The following PIEZO2 variants were observed in gnomAD, a reference collection of about 807,000 sequenced individuals.
PIEZO2 encodes piezo type mechanosensitive ion channel component 2, also known as piezo-type mechanosensitive ion channel component 2.
PIEZO2 carries 172 observed loss-of-function variants against 337.3 expected under a neutral mutation model. The ratio of observed to expected loss-of-function variants is 0.51; its 90% CI spans 0.45 to 0.58. The LOEUF (loss-of-function observed/expected upper bound fraction) is 0.58. PIEZO2 is among the 20% of genes least tolerant of loss of function. The pLI, the probability that PIEZO2 is intolerant of heterozygous loss-of-function variation, is 0.00. For synonymous variants in PIEZO2, 1,251 were observed against 1,228.5 expected (o/e 1.02, Z -0.38); for missense variants, 3,028 against 3,391.3 (o/e 0.89, Z 2.66).
chr18:10,710,469 C>T (rs1056788389), intron 39 of PIEZO2, among the ~76,000 whole-genome samples: 3 of 152,190 alleles, frequency 2.0e-5, no homozygotes, highest in Admixed American at 1.3e-4. Flanking sequence ...CTGGGAATGC[C>T]CCTCAGAATG....
chr18:10,678,005 G>A (rs953951322), intron 52 of PIEZO2, 130 bp from the exon 53 acceptor site: 1 of 856,970 alleles, frequency 1.2e-6, no homozygotes, highest in African/African-American at 1.7e-5. Context: ...GGTCAATCCT[G>A]ACCCTTTCAG....
In PIEZO2 at chr18:10,854,399, C is replaced by G. The variant is rs2041643241; in HGVS notation, c.917+954G>C. Among the ~76,000 whole-genome samples, 1 of 152,142 alleles carries G rather than the reference C, an allele frequency of 6.6e-6. No homozygotes were observed. The highest frequency in any genetic ancestry group is 2.4e-5 in the African/African-American group (1 of 41,426). On this transcript the variant is annotated intron_variant, in intron 7 of 55. Transcript: ENST00000674853. This position sits in a 1 kb window ranked among gnomAD's most constrained non-coding sequence, Gnocchi z 4.6. ...TTCTACTTTGTCATTGTGCAACCAC[C>G]ACGACCTTTATAGTAATTATTTCAG... is the stretch of plus-strand genomic sequence containing the variant.
chr18:11,003,897 G>A lies in PIEZO2; in HGVS notation c.161-24237C>T, dbSNP rs969558022. ...ATTCAACTACATTTTTCAGGGACCT[G>A]CTAAATAGGACTAATGGAAGAGAGT... is the stretch of plus-strand genomic sequence containing the variant. On this transcript the variant is annotated intron_variant, in intron 2 of 55. Transcript: ENST00000674853. The surrounding 1 kb of genome is among the most constrained non-coding windows in gnomAD (Gnocchi z 4.6). Among the ~76,000 whole-genome samples the A allele has an allele frequency of 6.6e-6, 1 of 152,188 alleles. No individual in the cohort carries two copies. Among genetic ancestry groups the A allele is most frequent in the Non-Finnish European group, 1.5e-5 (1 of 68,038 alleles).
In PIEZO2 at chr18:11,047,763, G is replaced by C. The variant is rs1277275887; in HGVS notation, c.160+18364C>G. ...GAGTATGGCTTTGACAGGTGTCCCT[G>C]CATCTTAAAAGAGCAGTTTTCATTC... On this transcript the variant is annotated intron_variant, in intron 2 of 55. Transcript: ENST00000674853. This position sits in a 1 kb window ranked among gnomAD's most constrained non-coding sequence, Gnocchi z 7.2. Among the ~76,000 whole-genome samples, 2 of 152,106 alleles carry C rather than the reference G, an allele frequency of 1.3e-5. No homozygotes were observed. The highest frequency in any genetic ancestry group is 2.9e-5 in the Non-Finnish European group (2 of 68,026).
rs1476178869 is a variant in PIEZO2, at chr18:10,846,355, C to T, written c.917+8998G>A. Among the ~76,000 whole-genome samples, 3 of 152,124 alleles carry T rather than the reference C, an allele frequency of 2.0e-5. No homozygotes were observed. The highest frequency in any genetic ancestry group is 4.4e-5 in the Non-Finnish European group (3 of 68,028). On this transcript the variant is annotated intron_variant, in intron 7 of 55. Transcript: ENST00000674853. This position sits in a 1 kb window ranked among gnomAD's most constrained non-coding sequence, Gnocchi z 4.1. ...CCAGAACAACACAGGAAAGACCTGC[C>T]CCCATAATTCAATCACCTCCCACCG... is the stretch of plus-strand genomic sequence containing the variant.
chr18:10,849,919 T>A (rs527821001), intron 7 of PIEZO2, among the ~76,000 whole-genome samples: 1 of 152,242 alleles, frequency 6.6e-6, no homozygotes, highest in Non-Finnish European at 1.5e-5. Flanking sequence ...GATTTAGTTA[T>A]GTGGATACAC....
chr18:10,809,543 C>T (rs2040118966), intron 7 of PIEZO2, among the ~76,000 whole-genome samples: 1 of 150,634 alleles, frequency 6.6e-6, no homozygotes, highest in Admixed American at 6.6e-5. Context: ...GCTGGGATTA[C>T]AGATGTGAGC....
intron 2 of PIEZO2, among the ~76,000 whole-genome samples, chr18:11,037,406 A>T (rs1383697928): frequency 6.6e-6 from 1 of 152,224 alleles, no homozygotes; most frequent in Non-Finnish European, 1.5e-5. Flanking sequence ...AACAAGCTAA[A>T]CTAAAAAATA....
Position 11,143,255 on chromosome 18 carries a change from G to C in PIEZO2, c.64+5270C>G, listed in dbSNP as rs1443319283. Among the ~76,000 whole-genome samples, 1 of 151,994 alleles carries C rather than the reference G, an allele frequency of 6.6e-6. No homozygotes were observed. The highest frequency in any genetic ancestry group is 1.5e-5 in the Non-Finnish European group (1 of 68,022). The stretch of plus-strand genomic sequence containing the variant: ...GGTATCATATTGTTCTTCATCAATT[G>C]TTCTTCAATATCCAGATGGCTTATG... On this transcript the variant is annotated intron_variant, in intron 1 of 55. Coordinates refer to ENST00000674853, the MANE Select transcript of PIEZO2 (RefSeq NM_001378183.1). The surrounding 1 kb of genome is among the most constrained non-coding windows in gnomAD (Gnocchi z 4.9).
At chr18:11,108,707 C>T (rs966443574) in intron 1 of PIEZO2, among the ~76,000 whole-genome samples, 1 of 151,334 alleles carries the variant, frequency 6.6e-6, no homozygotes, top group African/African-American at 2.4e-5. Context: ...ATTTTATTCC[C>T]ACACCCACTG....
intron 3 of PIEZO2, among the ~76,000 whole-genome samples, chr18:10,922,706 A>G (rs1316118960): frequency 6.6e-6 from 1 of 152,108 alleles, no homozygotes; most frequent in African/African-American, 2.4e-5. Flanking sequence ...ATGGGCAGGC[A>G]GGCAGGGAGT....
At chr18:11,041,130 G>A (rs569513822) in intron 2 of PIEZO2, among the ~76,000 whole-genome samples, 1 of 152,272 alleles carries the variant, frequency 6.6e-6, no homozygotes, top group East Asian at 1.9e-4. Flanking sequence ...TCTAAAACCC[G>A]AACTATGAAA....
chr18:11,084,963 T>G (rs1038540164), intron 1 of PIEZO2, among the ~76,000 whole-genome samples: 3 of 152,248 alleles, frequency 2.0e-5, no homozygotes, highest in Non-Finnish European at 2.9e-5. Context: ...TTGGTTCATC[T>G]GCTTCACCTC....
intron 2 of PIEZO2, among the ~76,000 whole-genome samples, chr18:10,998,620 C>T (rs969388231): frequency 6.6e-6 from 1 of 151,782 alleles, no homozygotes; most frequent in African/African-American, 2.4e-5. Flanking sequence ...AAATTATTTC[C>T]AAAAGTAACC....
chr18:11,007,785 C>T (rs190665254), intron 2 of PIEZO2, among the ~76,000 whole-genome samples: 5 of 152,170 alleles, frequency 3.3e-5, no homozygotes, highest in African/African-American at 1.2e-4. Context: ...CAAAACTATC[C>T]TTTGAAAATG....
chr18:10,697,976 G>A, intron 44 of PIEZO2, 96 bp from the exon 45 acceptor site: 2 of 847,428 alleles, frequency 2.4e-6, no homozygotes, highest in South Asian at 1.7e-5. Flanking sequence ...CATGGTGGAG[G>A]GATAGCTCAG....
At chr18:10,803,661 C>T (rs532000773) in intron 9 of PIEZO2, among the ~76,000 whole-genome samples, 1 of 152,188 alleles carries the variant, frequency 6.6e-6, no homozygotes, top group Admixed American at 6.5e-5. Flanking sequence ...GTAGAAAGCA[C>T]GGAAATATAA....
intron 4 of PIEZO2, among the ~76,000 whole-genome samples, chr18:10,891,679 G>A (rs2144937089): frequency 6.6e-6 from 1 of 152,268 alleles, no homozygotes; most frequent in Admixed American, 6.5e-5. Flanking sequence ...TTGCAATTTT[G>A]AGACTGCAGG....
At chr18:10,749,011 A>G (rs2037537966) in intron 29 of PIEZO2, among the ~76,000 whole-genome samples, 1 of 152,200 alleles carries the variant, frequency 6.6e-6, no homozygotes, top group Non-Finnish European at 1.5e-5. Context: ...GGAATGGGCT[A>G]TACCCAGGGG....
Sources: allele counts gnomAD v4.1 joint callset (sites outside exome capture counted in the v4.1 genomes callset), GRCh38; gene constraint gnomAD v4.1.1; non-coding constraint Gnocchi (gnomAD v3.1); transcripts MANE v1.5; gene names NCBI Gene and HGNC (gene_info 2026-07-23, HGNC 2026-07-21).